Variants in LIMS1 observed in about 807,000 individuals in gnomAD.
The protein encoded by LIMS1 is LIM zinc finger domain containing 1.
Under a neutral mutation model 44.1 loss-of-function variants are expected in LIMS1, and 18 were observed. The observed-to-expected ratio is 0.41, with a 90% CI of 0.28 to 0.61. The LOEUF is 0.61. Ranked by LOEUF, LIMS1 falls within the 20% of genes least tolerant of loss-of-function variation. LIMS1 has a pLI of 0.32. For missense variants in LIMS1, 201 were observed against 422.0 expected, an observed-to-expected ratio of 0.48 and a Z score of 4.59; for synonymous variants, 93 against 149.1, an observed-to-expected ratio of 0.62 and a Z score of 2.74.
intron 1 of LIMS1, 82 bp from the exon 2 acceptor site, chr2:108,659,523 C>G: frequency 6.6e-7 from 1 of 1,520,066 alleles, no homozygotes; most frequent in Non-Finnish European, 8.9e-7. Context: ...ATAGAATTTG[C>G]TGCTCGGTTC....
intron 1 of LIMS1, among the ~76,000 whole-genome samples, chr2:108,617,727 A>G (rs550049707): frequency 6.6e-6 from 1 of 152,274 alleles, no homozygotes; most frequent in African/African-American, 2.4e-5. Flanking sequence ...GATGATCAGG[A>G]GCTAGTCCTG....
At chr2:108,619,893 A>G (rs1688142579) in intron 1 of LIMS1, among the ~76,000 whole-genome samples, 1 of 152,202 alleles carries the variant, frequency 6.6e-6, no homozygotes, top group Non-Finnish European at 1.5e-5. Context: ...CAGGTCCCTC[A>G]GAAGCAGCCA....
At chr2:108,643,519 T>C (rs1203222463) in intron 1 of LIMS1, among the ~76,000 whole-genome samples, 1 of 151,880 alleles carries the variant, frequency 6.6e-6, no homozygotes, top group East Asian at 1.9e-4. Flanking sequence ...CTCTGAAGCC[T>C]ACACCACCAG....
intron 1 of LIMS1, among the ~76,000 whole-genome samples, chr2:108,642,356 T>G (rs1377088227): frequency 5.1e-4 from 5 of 9,894 alleles, no homozygotes; most frequent in African/African-American, 1.6e-4. Context: ...TTTTTTTTTT[T>G]TGTTTTTTGT....
intron 1 of LIMS1, among the ~76,000 whole-genome samples, chr2:108,546,647 T>C (rs1684490384): frequency 6.6e-6 from 1 of 151,584 alleles, no homozygotes; most frequent in Admixed American, 6.6e-5. Flanking sequence ...TAGTGGATCA[T>C]TCTCTAGCGA....
intron 1 of LIMS1, among the ~76,000 whole-genome samples, chr2:108,565,389 A>G (rs1490893219): frequency 6.6e-6 from 1 of 152,126 alleles, no homozygotes; most frequent in Non-Finnish European, 1.5e-5. Context: ...GTGTTAAGTA[A>G]CTCTTTTCTA....
chr2:108,572,895 A>G (rs1034736161), intron 1 of LIMS1, among the ~76,000 whole-genome samples: 53 of 152,140 alleles, frequency 3.5e-4, no homozygotes, highest in South Asian at 1.9e-3. Flanking sequence ...CTTGTCCTAG[A>G]ACCCACATAA....
At chr2:108,637,614 A>C (rs1322895928) in intron 1 of LIMS1, among the ~76,000 whole-genome samples, 1 of 152,214 alleles carries the variant, frequency 6.6e-6, no homozygotes, top group Non-Finnish European at 1.5e-5. Context: ...CTAGCTAAAA[A>C]TACTGCCATT....
At chr2:108,551,949 G>A (rs1193741976) in intron 1 of LIMS1, among the ~76,000 whole-genome samples, 3,451 of 97,782 alleles carry the variant, frequency 0.035, 86 homozygotes, top group East Asian at 0.17. Flanking sequence ...GTGTGTGTGT[G>A]TGTGTATATA....
chr2:108,610,796 A>G (rs907985370), intron 1 of LIMS1, among the ~76,000 whole-genome samples: 1 of 152,204 alleles, frequency 6.6e-6, no homozygotes, highest in Non-Finnish European at 1.5e-5. Context: ...TCCTCCAGTC[A>G]TTGACAGAGA....
intron 1 of LIMS1, among the ~76,000 whole-genome samples, chr2:108,590,179 G>A (rs1686309331): frequency 6.6e-6 from 1 of 152,208 alleles, no homozygotes; most frequent in Admixed American, 6.5e-5. Flanking sequence ...TAACCTTCAA[G>A]AACATTAAGA....
chr2:108,552,588 G>GTGTGTGTGTGTGTA (rs1553451178), intron 1 of LIMS1, among the ~76,000 whole-genome samples: 3 of 97,698 alleles, frequency 3.1e-5, no homozygotes, highest in African/African-American at 1.2e-4. Context: ...TATTTTGGGT[G>GTGTGTGTGTGTGTA]TGTGTGTGTG....
At chr2:108,654,410 G>T (rs1464166681) in intron 1 of LIMS1, among the ~76,000 whole-genome samples, 1 of 151,982 alleles carries the variant, frequency 6.6e-6, no homozygotes, top group Non-Finnish European at 1.5e-5. Flanking sequence ...TTGAAGCTGA[G>T]ATTGGACTGA....
chr2:108,566,263 A>G (rs929097581), intron 1 of LIMS1, among the ~76,000 whole-genome samples: 1 of 152,192 alleles, frequency 6.6e-6, no homozygotes, highest in East Asian at 1.9e-4. Flanking sequence ...AGAGCAGTGC[A>G]AGACTCAGTA....
intron 2 of LIMS1, among the ~76,000 whole-genome samples, chr2:108,664,160 G>A (rs540233774): frequency 2.6e-4 from 38 of 146,814 alleles, no homozygotes; most frequent in African/African-American, 8.6e-4. Context: ...TGAAATGGAA[G>A]ACCCTTCCAA....
intron 1 of LIMS1, among the ~76,000 whole-genome samples, chr2:108,611,854 T>TATATATATATAC (rs771325535): frequency 0.014 from 1,717 of 125,210 alleles, 42 homozygotes; most frequent in East Asian, 0.036. Context: ...TATATATATA[T>TATATATATATAC]ACACACATAT....
At chr2:108,547,765 T>C (rs763720704) in intron 1 of LIMS1, among the ~76,000 whole-genome samples, 5 of 152,212 alleles carry the variant, frequency 3.3e-5, no homozygotes, top group African/African-American at 4.8e-5. Context: ...TTTAAGGTCA[T>C]TGCCTACATT....
intron 1 of LIMS1, among the ~76,000 whole-genome samples, chr2:108,644,405 C>A (rs1261165439): frequency 6.6e-6 from 1 of 152,146 alleles, no homozygotes; most frequent in Non-Finnish European, 1.5e-5. Flanking sequence ...GCAGAGGGGC[C>A]TGACTGTTAG....
At chr2:108,555,198 A>G (rs1003179286) in intron 1 of LIMS1, among the ~76,000 whole-genome samples, 2 of 152,016 alleles carry the variant, frequency 1.3e-5, no homozygotes, top group Non-Finnish European at 2.9e-5. Context: ...GAAAGACTTT[A>G]TTTTTTGAGG....
Sources: gnomAD v4.1 joint callset for allele counts (sites outside exome capture counted in the v4.1 genomes callset) on GRCh38, gnomAD v4.1.1 for gene constraint, MANE v1.5 for transcripts, NCBI Gene and HGNC (gene_info 2026-07-23, HGNC 2026-07-21) for gene names.